The following CASK variants were observed in gnomAD, a reference collection of about 807,000 sequenced individuals.
CASK encodes the protein calcium/calmodulin dependent serine protein kinase.
CASK carries 4 observed loss-of-function variants against 82.9 expected under a neutral mutation model. The ratio of observed to expected loss-of-function variants is 0.05; its 90% CI spans 0.02 to 0.11. The LOEUF (loss-of-function observed/expected upper bound fraction) is 0.11, where lower values mean the gene tolerates loss of function less well. Ranked by LOEUF, CASK falls within the 10% of genes least tolerant of loss-of-function variation. The pLI, the probability that CASK is intolerant of heterozygous loss-of-function variation, is 1.00. For missense variants in CASK, 358 were observed against 720.9 expected, an observed-to-expected ratio of 0.50 and a Z score of 5.76; for synonymous variants, 259 against 253.5, an observed-to-expected ratio of 1.02 and a Z score of -0.20.
chrX:41,851,303 T>C (rs1344175128), intron 2 of CASK, among the ~76,000 whole-genome samples: 1 of 112,124 alleles, frequency 8.9e-6, no homozygotes, highest in Non-Finnish European at 1.9e-5. Context: ...AAGACATTTA[T>C]ATAGCCAAAG....
At position 41,518,050 on chromosome X, in the gene CASK, T is replaced by C. The variant is rs1465861262; in HGVS notation, c.*2370A>G. 1.0e-5 allele frequency: 3 copies of C among 291,297 alleles called. No individual in the cohort carries two copies. Among genetic ancestry groups the C allele is most frequent in the African/African-American group, 5.5e-5 (2 of 36,066 alleles). 24.0% of individuals were successfully genotyped at this position (291,297 alleles called of 1,213,427 possible). A position where few individuals can be genotyped will look rare whatever the true frequency, so the allele number is the denominator to read the frequency against. On this transcript the variant is annotated 3_prime_UTR_variant, in exon 27 of 27. Coordinates refer to ENST00000378163, the MANE Select transcript of CASK (RefSeq NM_001367721.1). ...CCACTGAGGATGAGTGCTACAGTGC[T>C]TGTGAATTGTGGGGCCACAGACATT...
At chrX:41,609,573 CAG>C (rs2066012877) in intron 12 of CASK, among the ~76,000 whole-genome samples, 3 of 99,613 alleles carry the variant, frequency 3.0e-5, no homozygotes, top group South Asian at 4.6e-4. Context: ...TTTTTTGAGA[CAG>C]AGTCTTGCTT....
Position 41,520,544 on chromosome X carries a change from T to C in CASK, c.2657A>G (p.Tyr886Cys). ...QKESDILQRT[Y>C]AHYFDLTIIN... ...AATTGTGAGATCGAAGTAGTGTGCA[T>C]ATGTTCTCTGTAAGATGTCAGACTC... Residue 886 changes from tyrosine (Y) to cysteine (C), a missense_variant, in exon 27 of 27, where the codon TAT becomes TGT. By Grantham distance (194) the Tyr-to-Cys change is radical. Around this residue, in one of 5 missense-constraint regions of CASK, gnomAD observed 118 missense variants for 169.4 expected, o/e 0.70. Transcript: ENST00000378163. 1.7e-6 allele frequency: 2 copies of C among 1,206,576 alleles called. No homozygotes were observed. The highest frequency in any genetic ancestry group is 1.7e-5 in the African/African-American group (1 of 57,665).
At chrX:41,623,622 G>A (rs1460337859) in intron 10 of CASK, among the ~76,000 whole-genome samples, 4 of 111,487 alleles carry the variant, frequency 3.6e-5, no homozygotes, top group Non-Finnish European at 7.5e-5. Flanking sequence ...ATGTTGGCCA[G>A]GCTGGTCTCA....
intron 2 of CASK, among the ~76,000 whole-genome samples, chrX:41,830,369 A>T (rs917101486): frequency 1.8e-5 from 2 of 111,181 alleles, no homozygotes; most frequent in Non-Finnish European, 3.8e-5. Flanking sequence ...TCACTGCAGA[A>T]TTTACTTTGA....
intron 8 of CASK, among the ~76,000 whole-genome samples, chrX:41,654,217 G>C (rs1328254909): frequency 8.9e-6 from 1 of 112,135 alleles, no homozygotes; most frequent in Non-Finnish European, 1.9e-5. Flanking sequence ...AGAGAGGAGA[G>C]TCACAGGACT....
At chrX:41,525,812 G>C (rs773999656) in intron 25 of CASK, among the ~76,000 whole-genome samples, 6 of 111,798 alleles carry the variant, frequency 5.4e-5, no homozygotes, top group East Asian at 2.8e-4. Context: ...GACATGAAAG[G>C]TTCTTTCTTT....
rs762346413 is a variant in CASK, at chrX:41,654,442, G to A, written c.831+5997C>T. Among the ~76,000 whole-genome samples the A allele has an allele frequency of 2.9e-3, 317 of 110,890 alleles. 3 individuals are homozygous for A. Among genetic ancestry groups the A allele is most frequent in the Non-Finnish European group, 5.4e-3 (283 of 52,841 alleles). ...TCCCAGCACTTTGGGAGGCCGAGGC[G>A]GGTGGATCACCTGAGCTCAGGAGTT... On this transcript the variant is annotated intron_variant, in intron 8 of 26. Transcript: ENST00000378163.
intron 8 of CASK, chrX:41,660,137 C>A: frequency 5.3e-6 from 2 of 380,136 alleles, no homozygotes; most frequent in Non-Finnish European, 9.1e-6. Context: ...GGTATTACTT[C>A]AGTTGTTGAT....
At chrX:41,891,326 G>A in intron 1 of CASK, among the ~76,000 whole-genome samples, 1 of 105,358 alleles carries the variant, frequency 9.5e-6, no homozygotes, top group African/African-American at 3.4e-5. Flanking sequence ...GACTGGGTGG[G>A]GGGGCGGGGG....
At chrX:41,586,776 G>T in intron 14 of CASK, 131 bp downstream of exon 14, 1 of 481,860 alleles carries the variant, frequency 2.1e-6, no homozygotes, top group Non-Finnish European at 3.6e-6. Flanking sequence ...ACCTGGTATT[G>T]TAATCTTAAT....
chrX:41,802,381 C>G (rs1419820964), intron 2 of CASK, among the ~76,000 whole-genome samples: 1 of 111,142 alleles, frequency 9.0e-6, no homozygotes. Flanking sequence ...GAAAGAGGAA[C>G]AGGAAAGAAA....
chrX:41,648,425 T>G (rs1001424763), intron 8 of CASK, among the ~76,000 whole-genome samples: 1 of 111,482 alleles, frequency 9.0e-6, no homozygotes, highest in African/African-American at 3.3e-5. Flanking sequence ...CCACTTGCCT[T>G]GTAATATTCT....
At chrX:41,607,961 T>C (rs901743813) in intron 12 of CASK, among the ~76,000 whole-genome samples, 1 of 112,347 alleles carries the variant, frequency 8.9e-6, no homozygotes, top group Admixed American at 9.4e-5. Flanking sequence ...TCACATGTTA[T>C]AACAGTTAGT....
intron 9 of CASK, among the ~76,000 whole-genome samples, chrX:41,631,186 A>G (rs2066460663): frequency 8.9e-6 from 1 of 111,962 alleles, no homozygotes; most frequent in Non-Finnish European, 1.9e-5. Context: ...CACAGAATAG[A>G]TATCTTAGAA....
intron 8 of CASK, among the ~76,000 whole-genome samples, chrX:41,644,252 A>C (rs1192844287): frequency 8.9e-6 from 1 of 112,053 alleles, no homozygotes; most frequent in Non-Finnish European, 1.9e-5. Context: ...CTTAAACAGA[A>C]GGACTGGCTG....
intron 3 of CASK, among the ~76,000 whole-genome samples, chrX:41,777,008 G>A (rs1380214534): frequency 1.8e-5 from 2 of 111,812 alleles, no homozygotes; most frequent in Admixed American, 9.6e-5. Flanking sequence ...GAACAACGTG[G>A]AAGGATCTGC....
At chrX:41,591,721 C>A (rs778863566) in intron 12 of CASK, among the ~76,000 whole-genome samples, 1 of 110,168 alleles carries the variant, frequency 9.1e-6, no homozygotes, top group South Asian at 3.9e-4. Flanking sequence ...GTGATCCGCC[C>A]GCCTCGGCCT....
chrX:41,687,768 G>A (rs1202475124), intron 5 of CASK, among the ~76,000 whole-genome samples: 1 of 109,675 alleles, frequency 9.1e-6, no homozygotes, highest in Non-Finnish European at 1.9e-5. Context: ...AAACTAGCCT[G>A]GCCAACATGG....
Sources: gnomAD v4.1 joint callset for allele counts (sites outside exome capture counted in the v4.1 genomes callset) on GRCh38, gnomAD v4.1.1 for gene constraint, gnomAD v4.1.1 regional missense constraint, MANE v1.5 for transcripts, NCBI Gene and HGNC (gene_info 2026-07-23, HGNC 2026-07-21) for gene names.